COL10A1: variants seen among roughly 807,000 people sequenced by gnomAD.
The protein encoded by COL10A1 is collagen alpha-1(X) chain.
COL10A1 carries 10 observed loss-of-function variants against 18.2 expected under a neutral mutation model. That is an observed-to-expected ratio of 0.55 (90% CI 0.34 to 0.93). The LOEUF (loss-of-function observed/expected upper bound fraction) is 0.93, where lower values mean the gene tolerates loss of function less well. Among genes scored for constraint, COL10A1 ranks in the 40% least tolerant of loss-of-function variants. The pLI is 0.02. For synonymous variants in COL10A1, 330 were observed against 316.6 expected, an observed-to-expected ratio of 1.04 and a Z score of -0.45; for missense variants, 897 against 853.5, an observed-to-expected ratio of 1.05 and a Z score of -0.64.
intron 1 of COL10A1, among the ~76,000 whole-genome samples, chr6:116,155,766 A>C (rs905834120): frequency 6.6e-6 from 1 of 151,886 alleles, no homozygotes; most frequent in African/African-American, 2.4e-5. Context: ...AAAAAAAAAA[A>C]AAAAAAGAGG....
chr6:116,145,818 C>T (rs1231559474), intron 1 of COL10A1, among the ~76,000 whole-genome samples: 3 of 152,034 alleles, frequency 2.0e-5, no homozygotes, highest in Non-Finnish European at 4.4e-5. Context: ...AGTAATATAG[C>T]TCAAAATTGT....
Position 116,121,874 on chromosome 6 carries a change from C to T in COL10A1, c.242G>A (p.Gly81Glu), listed in dbSNP as rs754330529. 9 of 1,613,960 alleles carry T rather than the reference C, an allele frequency of 5.6e-6. No individual in the cohort carries two copies. The highest frequency in any genetic ancestry group is 1.1e-5 in the South Asian group (1 of 91,034). ...RGHPGPSGPP[G>E]KPGYGSPGLQ... Reference sequence around the variant, plus strand: ...TCCAGGACTTCCGTAGCCTGGTTTTCCTGGTGGTCCAGAAGGACCTGGGTG... The same window carrying T: ...TCCAGGACTTCCGTAGCCTGGTTTTTCTGGTGGTCCAGAAGGACCTGGGTG... The change falls in exon 3 of 3, where the codon GGA becomes GAA. Residue 81 changes from glycine to glutamate, a missense_variant. By Grantham distance (98) the Gly-to-Glu change is moderately conservative. Transcript: ENST00000651968.
intron 1 of COL10A1, among the ~76,000 whole-genome samples, chr6:116,143,508 G>A (rs950736870): frequency 1.3e-5 from 2 of 152,048 alleles, no homozygotes; most frequent in African/African-American, 4.8e-5. Flanking sequence ...CACTGTGCCC[G>A]GCCTTTCCCA....
At chr6:116,183,218 G>A in the COL10A1 span, among the ~76,000 whole-genome samples, 1 of 152,040 alleles carries the variant, frequency 6.6e-6, no homozygotes, top group Non-Finnish European at 1.5e-5. Flanking sequence ...TCTCTATTCT[G>A]TTCCATTGGT....
chr6:116,169,792 T>G, the COL10A1 span, among the ~76,000 whole-genome samples: 1 of 152,152 alleles, frequency 6.6e-6, no homozygotes, highest in East Asian at 1.9e-4. Context: ...GGATTATCAA[T>G]AAAAACCTAT....
intron 1 of COL10A1, among the ~76,000 whole-genome samples, chr6:116,140,495 G>A (rs964596050): frequency 6.6e-6 from 1 of 152,022 alleles, no homozygotes; most frequent in Non-Finnish European, 1.5e-5. Context: ...AAAGGTGAGG[G>A]ATATTAATTC....
chr6:116,148,170 AACTAGT>A (rs1198592514), intron 1 of COL10A1, among the ~76,000 whole-genome samples: 1 of 152,164 alleles, frequency 6.6e-6, no homozygotes, highest in East Asian at 1.9e-4. Context: ...AGGATAGACA[AACTAGT>A]AATAGTGCTT....
chr6:116,185,076 A>G, the COL10A1 span, among the ~76,000 whole-genome samples: 1 of 152,042 alleles, frequency 6.6e-6, no homozygotes, highest in Non-Finnish European at 1.5e-5. Context: ...ATTATCATTA[A>G]GTTTAAAGAA....
chr6:116,152,478 T>C (rs2114400543), intron 1 of COL10A1, among the ~76,000 whole-genome samples: 1 of 152,240 alleles, frequency 6.6e-6, no homozygotes, highest in South Asian at 2.1e-4. Flanking sequence ...TTATGGTGAT[T>C]ATCTACCCCA....
At chr6:116,153,586 T>G (rs527259932) in intron 1 of COL10A1, among the ~76,000 whole-genome samples, 56 of 152,264 alleles carry the variant, frequency 3.7e-4, no homozygotes, top group Non-Finnish European at 6.0e-4. Context: ...TTAGTTAGGC[T>G]TCAGGAATAT....
At chr6:116,199,245 AC>A in the COL10A1 span, among the ~76,000 whole-genome samples, 2 of 152,020 alleles carry the variant, frequency 1.3e-5, no homozygotes, top group African/African-American at 2.4e-5. Context: ...ATTAAATTTT[AC>A]CTTCTGAAAG....
chr6:116,192,972 C>G, the COL10A1 span, among the ~76,000 whole-genome samples: 3 of 152,044 alleles, frequency 2.0e-5, no homozygotes, highest in African/African-American at 7.2e-5. Context: ...TGCCAAGAAG[C>G]TATTTGTATG....
At chr6:116,172,539 C>G in the COL10A1 span, among the ~76,000 whole-genome samples, 1 of 152,076 alleles carries the variant, frequency 6.6e-6, no homozygotes, top group East Asian at 1.9e-4. Flanking sequence ...CCAGGATGGT[C>G]TCGATCTCCT....
the COL10A1 span, among the ~76,000 whole-genome samples, chr6:116,214,723 A>G: frequency 6.6e-6 from 1 of 152,158 alleles, no homozygotes; most frequent in African/African-American, 2.4e-5. Context: ...AAATGCAAAG[A>G]CATTTTAGAG....
rs1179968459 is a variant in COL10A1 at position 116,120,446 on chromosome 6, ATAAC to A, written c.1666_1669del (p.Val556PhefsTer9). The A allele has an allele frequency of 6.2e-7, 1 of 1,614,114 alleles. No homozygotes were observed. Among genetic ancestry groups the A allele is most frequent in the South Asian group, 1.1e-5 (1 of 91,080 alleles). ...TATTGCTGGGTAAGCTTTGGAGAGA[ATAAC>A]AGTAAAAGCAGACACAGGCATTCCT... On this transcript the variant is annotated frameshift_variant, in exon 3 of 3. Coordinates refer to ENST00000651968, the MANE Select transcript of COL10A1 (RefSeq NM_000493.4). LOFTEE classifies it high-confidence loss of function.
intron 1 of COL10A1, among the ~76,000 whole-genome samples, chr6:116,149,835 G>A (rs1779991930): frequency 6.6e-6 from 1 of 152,184 alleles, no homozygotes; most frequent in Non-Finnish European, 1.5e-5. Flanking sequence ...CTTCTTTAGA[G>A]GTGAGGAAAT....
chr6:116,203,383 C>A, the COL10A1 span, among the ~76,000 whole-genome samples: 1 of 151,960 alleles, frequency 6.6e-6, no homozygotes. Context: ...ATGCTCCCTT[C>A]TAGCCAACAT....
At chr6:116,169,064 C>G in the COL10A1 span, among the ~76,000 whole-genome samples, 2 of 152,172 alleles carry the variant, frequency 1.3e-5, no homozygotes, top group African/African-American at 4.8e-5. Flanking sequence ...TCCTCCAAGC[C>G]TCTTGAAGAT....
chr6:116,132,745 A>G (rs1779501747), intron 1 of COL10A1, among the ~76,000 whole-genome samples: 2 of 152,162 alleles, frequency 1.3e-5, no homozygotes, highest in African/African-American at 2.4e-5. Flanking sequence ...TTCTGGCAGG[A>G]TACTGACTTT....
Sources: allele counts gnomAD v4.1 joint callset (sites outside exome capture counted in the v4.1 genomes callset), GRCh38; gene constraint gnomAD v4.1.1; transcripts MANE v1.5; gene names NCBI Gene and HGNC (gene_info 2026-07-23, HGNC 2026-07-21).